Variants in GOSR1 observed in about 807,000 individuals in gnomAD.
The protein encoded by GOSR1 is golgi SNAP receptor complex member 1.
Under a neutral mutation model 35.5 loss-of-function variants are expected in GOSR1, and 21 were observed. The observed-to-expected ratio is 0.59, with a 90% CI of 0.42 to 0.85. The LOEUF (loss-of-function observed/expected upper bound fraction) is 0.85. Ranked by LOEUF, GOSR1 falls within the 40% of genes least tolerant of loss-of-function variation. The pLI is 0.00. For missense variants in GOSR1, 285 were observed against 309.6 expected, an observed-to-expected ratio of 0.92 and a Z score of 0.60; for synonymous variants, 94 against 106.6, an observed-to-expected ratio of 0.88 and a Z score of 0.73.
intron 7 of GOSR1, among the ~76,000 whole-genome samples, chr17:30,514,624 G>A (rs1424645256): frequency 6.6e-6 from 1 of 152,168 alleles, no homozygotes; most frequent in African/African-American, 2.4e-5. Context: ...GGCATTGAGT[G>A]AACTCTTACA....
chr17:30,477,752 G>T, intron 1 of GOSR1: 3 of 985,240 alleles, frequency 3.0e-6, no homozygotes, highest in Non-Finnish European at 3.6e-6. Flanking sequence ...GTAGAATTGT[G>T]TTGAGGGAGT....
intron 6 of GOSR1, 74 bp downstream of exon 6, chr17:30,492,827 TATG>T (rs1329664405): frequency 1.2e-6 from 1 of 866,552 alleles, no homozygotes; most frequent in African/African-American, 1.7e-5. Flanking sequence ...ACCAACATTT[TATG>T]ATGTTTATTA....
chr17:30,511,441 C>CTAGG (rs1967609961), intron 7 of GOSR1, among the ~76,000 whole-genome samples: 1 of 152,068 alleles, frequency 6.6e-6, no homozygotes, highest in East Asian at 1.9e-4. Context: ...AGTACATTAA[C>CTAGG]TAGGTCTCTG....
chr17:30,480,926 G>A lies in GOSR1; in HGVS notation c.32-217G>A, dbSNP rs186465901. On this transcript the variant is annotated intron_variant, in intron 1 of 8. Coordinates refer to ENST00000451249, the MANE Select transcript of GOSR1 (RefSeq NM_001007025.2). The stretch of plus-strand genomic sequence containing the variant: ...AGGGTTTCTCCATGTTGATCAGGCT[G>A]GTCTCAAACTCCCGACCTCAGGTGA... The A allele has an allele frequency of 1.1e-3, 440 of 390,400 alleles. 1 individual carries two copies. Among genetic ancestry groups the A allele is most frequent in the African/African-American group, 8.5e-3 (412 of 48,614 alleles). The allele number at this position is 390,400 out of a possible 1,614,324, so 24.2% of individuals were successfully genotyped here. A position where few individuals can be genotyped will look rare whatever the true frequency, so the allele number is the denominator to read the frequency against.
intron 6 of GOSR1, among the ~76,000 whole-genome samples, chr17:30,504,596 T>C (rs1967333890): frequency 1.3e-5 from 2 of 152,238 alleles, no homozygotes; most frequent in South Asian, 4.1e-4. Context: ...TCATTACATG[T>C]AAAATGTGAT....
intron 6 of GOSR1, among the ~76,000 whole-genome samples, chr17:30,508,107 G>A (rs1241193460): frequency 6.6e-6 from 1 of 152,162 alleles, no homozygotes; most frequent in African/African-American, 2.4e-5. Context: ...TTGTTGGGAG[G>A]ATGAAGTTAT....
chr17:30,510,959 T>A, intron 7 of GOSR1, 50 bp downstream of exon 7: 1 of 1,073,674 alleles, frequency 9.3e-7, no homozygotes, highest in Non-Finnish European at 1.4e-6. Context: ...TGTTTGCACG[T>A]AAATTTAATG....
At chr17:30,477,986 A>T (rs1914061127) in intron 1 of GOSR1, 1 of 951,450 alleles carries the variant, frequency 1.1e-6, no homozygotes, top group Non-Finnish European at 1.3e-6. Flanking sequence ...TCTCCATGAC[A>T]ACTACAGGTT....
At chr17:30,480,616 C>T (rs1309569741) in intron 1 of GOSR1, among the ~76,000 whole-genome samples, 2 of 152,060 alleles carry the variant, frequency 1.3e-5, no homozygotes, top group African/African-American at 4.8e-5. Context: ...TGCGAAGTTG[C>T]ATCTACCATT....
chr17:30,504,583 G>A (rs1967333256), intron 6 of GOSR1, among the ~76,000 whole-genome samples: 1 of 152,162 alleles, frequency 6.6e-6, no homozygotes, highest in African/African-American at 2.4e-5. Context: ...ATAGAAAATG[G>A]TTTCATTACA....
At position 30,524,524 on chromosome 17, in the gene GOSR1, G is replaced by A. The variant is rs571038485; in HGVS notation, c.*2146G>A. 2 of 133,284 alleles carry A rather than the reference G, an allele frequency of 1.5e-5. No homozygotes were observed. The highest frequency in any genetic ancestry group is 5.4e-4 in the East Asian group (2 of 3,674). The allele number at this position is 133,284 out of a possible 1,614,324, so 8.3% of individuals were successfully genotyped here. A position where few individuals can be genotyped will look rare whatever the true frequency, so the allele number is the denominator to read the frequency against. On this transcript the variant is annotated 3_prime_UTR_variant, in exon 9 of 9. Coordinates refer to ENST00000451249, the MANE Select transcript of GOSR1 (RefSeq NM_001007025.2). Reference sequence around the variant, plus strand: ...TGACAGTCTTATATTTAAGGCACCAGTCATTGTTTCCATTTTTTTTTTAAT... The same window carrying A: ...TGACAGTCTTATATTTAAGGCACCAATCATTGTTTCCATTTTTTTTTTAAT...
chr17:30,484,574 CA>C, intron 3 of GOSR1, 88 bp from the exon 4 acceptor site: 1 of 692,544 alleles, frequency 1.4e-6, no homozygotes, highest in Non-Finnish European at 2.5e-6. Flanking sequence ...TGCTGTCAAC[CA>C]AAAGGGCATA....
chr17:30,491,627 C>G (rs1002870695), intron 5 of GOSR1, among the ~76,000 whole-genome samples: 3 of 151,546 alleles, frequency 2.0e-5, no homozygotes, highest in African/African-American at 7.3e-5. Flanking sequence ...CCACTGCACT[C>G]TAGCCTGGGT....
intron 7 of GOSR1, among the ~76,000 whole-genome samples, chr17:30,516,152 CAACTT>C (rs1216600501): frequency 4.0e-5 from 6 of 151,176 alleles, no homozygotes; most frequent in Non-Finnish European, 1.5e-5. Context: ...CTTATTGTAA[CAACTT>C]AAATAATACT....
chr17:30,507,413 A>G (rs1344396790), intron 6 of GOSR1, among the ~76,000 whole-genome samples: 1 of 152,178 alleles, frequency 6.6e-6, no homozygotes, highest in Admixed American at 6.5e-5. Context: ...CAAGAGAACT[A>G]GAATTAGAAG....
intron 6 of GOSR1, among the ~76,000 whole-genome samples, chr17:30,509,501 C>T (rs912606065): frequency 6.6e-6 from 1 of 152,296 alleles, no homozygotes; most frequent in Admixed American, 6.5e-5. Context: ...ACCTTGACTT[C>T]GTAGCATGAA....
intron 2 of GOSR1, 126 bp from the exon 3 acceptor site, chr17:30,484,088 T>C (rs1167177515): frequency 1.7e-6 from 1 of 583,490 alleles, no homozygotes; most frequent in East Asian, 2.9e-5. Context: ...AGATCGTTTC[T>C]CACAGACCCT....
chr17:30,512,781 T>C (rs1265934420), intron 7 of GOSR1, among the ~76,000 whole-genome samples: 1 of 152,228 alleles, frequency 6.6e-6, no homozygotes, highest in African/African-American at 2.4e-5. Flanking sequence ...TCTTTTTTCC[T>C]TTATTTCCCT....
At position 30,518,955 on chromosome 17, in the gene GOSR1, C is replaced by A. The variant is rs190207260; in HGVS notation, c.540-984C>A. On this transcript the variant is annotated intron_variant, in intron 7 of 8. Transcript: ENST00000451249. ...GGACCCTGTCCCCCAACCCCCAACC[C>A]CCCCCAAAAAAAGGATATTAACTCA... Among the ~76,000 whole-genome samples the A allele has an allele frequency of 4.4e-3, 668 of 151,860 alleles. 2 individuals carry two copies. The highest frequency in any genetic ancestry group is 7.8e-3 in the Non-Finnish European group (533 of 67,900).
Sources: gnomAD v4.1 joint callset for allele counts (sites outside exome capture counted in the v4.1 genomes callset) on GRCh38, gnomAD v4.1.1 for gene constraint, MANE v1.5 for transcripts, NCBI Gene and HGNC (gene_info 2026-07-23, HGNC 2026-07-21) for gene names.